CALN1: variants seen among roughly 807,000 people sequenced by gnomAD.
The protein encoded by CALN1 is calneuron 1.
CALN1 carries 17 observed loss-of-function variants against 30.6 expected under a neutral mutation model. The ratio of observed to expected loss-of-function variants is 0.56; its 90% CI spans 0.38 to 0.83. The LOEUF (loss-of-function observed/expected upper bound fraction) is 0.83. Ranked by LOEUF, CALN1 falls within the 40% of genes least tolerant of loss-of-function variation. CALN1 has a pLI of 0.00. For synonymous variants in CALN1, 156 were observed against 131.4 expected, an observed-to-expected ratio of 1.19 and a Z score of -1.28; for missense variants, 291 against 354.9, an observed-to-expected ratio of 0.82 and a Z score of 1.45.
In CALN1 at chr7:72,218,403, G is replaced by A. The variant is rs576628120; in HGVS notation, c.244+60283C>T. ...GAGGAGGTTGCAGTGAACTGAGATC[G>A]TGCCACTGCACTCCAGCCTGGGCAA... On this transcript the variant is annotated intron_variant, in intron 3 of 6. Transcript: ENST00000395275. Among the ~76,000 whole-genome samples, 53 of 152,064 alleles carry A rather than the reference G, an allele frequency of 3.5e-4. 1 individual carries two copies. The highest frequency in any genetic ancestry group is 8.9e-4 in the African/African-American group (37 of 41,506).
intron 1 of CALN1, among the ~76,000 whole-genome samples, chr7:72,437,262 G>A (rs915137977): frequency 6.6e-6 from 1 of 152,120 alleles, no homozygotes; most frequent in Non-Finnish European, 1.5e-5. Context: ...GAAATCATGG[G>A]CCTCAGTTTT....
chr7:71,928,125 G>T (rs1324612834), intron 5 of CALN1, among the ~76,000 whole-genome samples: 1 of 152,114 alleles, frequency 6.6e-6, no homozygotes, highest in African/African-American at 2.4e-5. Flanking sequence ...TATGGAGGAG[G>T]GCTTTCTCTC....
At chr7:72,162,328 A>G (rs1788171754) in intron 3 of CALN1, among the ~76,000 whole-genome samples, 1 of 152,108 alleles carries the variant, frequency 6.6e-6, no homozygotes, top group Admixed American at 6.6e-5. Context: ...CCTACAGATA[A>G]CAGCAATAAA....
chr7:72,324,015 G>A (rs1432438984), intron 2 of CALN1, among the ~76,000 whole-genome samples: 3 of 152,106 alleles, frequency 2.0e-5, no homozygotes, highest in Non-Finnish European at 4.4e-5. Flanking sequence ...GTGACAGAGT[G>A]AGACTCTGGG....
chr7:72,148,207 T>C (rs1319057926), intron 3 of CALN1, among the ~76,000 whole-genome samples: 4 of 148,052 alleles, frequency 2.7e-5, no homozygotes, highest in Non-Finnish European at 5.9e-5. Flanking sequence ...GATGTTTGGA[T>C]CGTGAATGGA....
chr7:72,076,512 C>T (rs1167259685), intron 4 of CALN1, among the ~76,000 whole-genome samples: 1 of 142,666 alleles, frequency 7.0e-6, no homozygotes, highest in Admixed American at 7.4e-5. Context: ...GCAGGAGAAT[C>T]GCTTGAACCC....
At chr7:71,922,880 A>T (rs1172512791) in intron 5 of CALN1, among the ~76,000 whole-genome samples, 3 of 97,248 alleles carry the variant, frequency 3.1e-5, no homozygotes, top group African/African-American at 1.3e-4. Flanking sequence ...ATATATAAAC[A>T]TATATATTAA....
At chr7:71,959,556 T>C (rs1299990488) in intron 5 of CALN1, among the ~76,000 whole-genome samples, 1 of 151,982 alleles carries the variant, frequency 6.6e-6, no homozygotes, top group African/African-American at 2.4e-5. Flanking sequence ...ATGATATAGA[T>C]AGAAGAGACT....
chr7:72,447,980 A>ACG (rs1554409884), upstream of CALN1, among the ~76,000 whole-genome samples: 1 of 120,696 alleles, frequency 8.3e-6, no homozygotes, highest in Non-Finnish European at 1.7e-5. Flanking sequence ...CTGCCCATGC[A>ACG]CACACACACA....
rs958210310 is a variant in CALN1, at chr7:71,781,780, A to G, written c.*5995T>C. On this transcript the variant is annotated 3_prime_UTR_variant, in exon 7 of 7. Coordinates refer to ENST00000395275, the MANE Select transcript of CALN1 (RefSeq NM_031468.4). ...CTGAGGAAAAGAGATGGGTGAGTCT[A>G]TGCCCGGCATGGGGGTTGTGCTCAA... is the stretch of plus-strand genomic sequence containing the variant. 6.6e-6 allele frequency: 1 copy of G among 152,180 alleles called. No individual in the cohort carries two copies. The highest frequency in any genetic ancestry group is 1.5e-5 in the Non-Finnish European group (1 of 68,046). 9.4% of individuals were successfully genotyped at this position (152,180 alleles called of 1,614,324 possible). A position where few individuals can be genotyped will look rare whatever the true frequency, so the allele number is the denominator to read the frequency against.
At chr7:72,354,338 TA>T (rs1357412917) in intron 2 of CALN1, among the ~76,000 whole-genome samples, 2 of 152,230 alleles carry the variant, frequency 1.3e-5, no homozygotes, top group African/African-American at 4.8e-5. Flanking sequence ...TATACCATGT[TA>T]ATGGATTAGA....
intron 2 of CALN1, among the ~76,000 whole-genome samples, chr7:72,281,953 G>C (rs1004066322): frequency 6.6e-6 from 1 of 152,024 alleles, no homozygotes; most frequent in Non-Finnish European, 1.5e-5. Context: ...AAAAAAGGCA[G>C]CTTACAAAAT....
At chr7:71,952,180 T>C (rs892672887) in intron 5 of CALN1, among the ~76,000 whole-genome samples, 43 of 152,222 alleles carry the variant, frequency 2.8e-4, no homozygotes, top group African/African-American at 9.4e-4. Flanking sequence ...GAATTGGATA[T>C]GCGACCTGCA....
intron 3 of CALN1, among the ~76,000 whole-genome samples, chr7:72,143,998 C>T (rs1810157131): frequency 6.6e-6 from 1 of 152,242 alleles, no homozygotes; most frequent in African/African-American, 2.4e-5. Flanking sequence ...AAAGGAACAA[C>T]TGGTACTAGC....
intron 2 of CALN1, among the ~76,000 whole-genome samples, chr7:72,332,069 A>G (rs1801715969): frequency 6.6e-6 from 1 of 152,126 alleles, no homozygotes; most frequent in African/African-American, 2.4e-5. Context: ...CATGGTGTAT[A>G]TGTACCACGT....
chr7:72,251,061 G>A (rs1795520946), intron 3 of CALN1, among the ~76,000 whole-genome samples: 1 of 152,084 alleles, frequency 6.6e-6, no homozygotes, highest in African/African-American at 2.4e-5. Flanking sequence ...TCTTGGAGCT[G>A]AGGCTGCACC....
chr7:71,970,882 T>C (rs1415964984), intron 5 of CALN1, among the ~76,000 whole-genome samples: 3 of 152,166 alleles, frequency 2.0e-5, no homozygotes, highest in South Asian at 2.1e-4. Flanking sequence ...GATCTGAGGC[T>C]GATAGGTTCA....
At position 72,330,344 on chromosome 7, in the gene CALN1, T is replaced by C. The variant is rs569697167; in HGVS notation, c.120-51534A>G. Among the ~76,000 whole-genome samples, 3 of 151,842 alleles carry C rather than the reference T, an allele frequency of 2.0e-5. No individual in the cohort carries two copies. In the South Asian group the frequency reaches 6.3e-4, roughly 32 times the overall value. Reference sequence around the variant, plus strand: ...TTAGCTGGGTGTGGTGGTGTACGTCTGTAATCCCAGCTTCCCGGAAGGCTG... The same window carrying C: ...TTAGCTGGGTGTGGTGGTGTACGTCCGTAATCCCAGCTTCCCGGAAGGCTG... On this transcript the variant is annotated intron_variant, in intron 2 of 6. Coordinates refer to ENST00000395275, the MANE Select transcript of CALN1 (RefSeq NM_031468.4).
intron 5 of CALN1, among the ~76,000 whole-genome samples, chr7:71,978,336 A>G (rs1798211317): frequency 1.6e-5 from 2 of 126,860 alleles, no homozygotes; most frequent in Non-Finnish European, 3.1e-5. Context: ...CAATGGCGCT[A>G]TCTCGGCTCA....
Sources: gnomAD v4.1 joint callset for allele counts (sites outside exome capture counted in the v4.1 genomes callset) on GRCh38, gnomAD v4.1.1 for gene constraint, MANE v1.5 for transcripts, NCBI Gene and HGNC (gene_info 2026-07-23, HGNC 2026-07-21) for gene names.